Variants in CUX1 observed in about 807,000 individuals in gnomAD.
The protein encoded by CUX1 is cut like homeobox 1, also known as protein CASP.
Under a neutral mutation model 158.8 loss-of-function variants are expected in CUX1, and 31 were observed. The observed-to-expected ratio is 0.20, with a 90% CI of 0.15 to 0.26. The LOEUF (loss-of-function observed/expected upper bound fraction) is 0.26, where lower values mean the gene tolerates loss of function less well. CUX1 is among the 10% of genes least tolerant of loss of function. The pLI is 1.00. For synonymous variants in CUX1, 879 were observed against 862.1 expected (o/e 1.02, Z -0.34); for missense variants, 1,589 against 2,014.6 (o/e 0.79, Z 4.04).
At chr7:101,966,391 G>C (rs539187106) in intron 2 of CUX1, among the ~76,000 whole-genome samples, 1 of 150,612 alleles carries the variant, frequency 6.6e-6, no homozygotes, top group South Asian at 2.1e-4. Flanking sequence ...TCTGAGATTT[G>C]CAACAATTAA....
At chr7:102,263,147 G>A (rs1790534843), downstream of CUX1, among the ~76,000 whole-genome samples, 2 of 150,712 alleles carry the variant, frequency 1.3e-5, no homozygotes, top group Admixed American at 1.3e-4. Context: ...CCAAGTAGCT[G>A]GGATTACAGG....
intron 1 of CUX1, among the ~76,000 whole-genome samples, chr7:101,856,818 A>G (rs1278573817): frequency 1.3e-5 from 2 of 151,998 alleles, no homozygotes; most frequent in African/African-American, 4.8e-5. Flanking sequence ...CTTGTAGCCA[A>G]ATTCTGTGGT....
chr7:101,827,244 C>CTTCT (rs1554381496), intron 1 of CUX1, among the ~76,000 whole-genome samples: 1 of 129,676 alleles, frequency 7.7e-6, no homozygotes, highest in African/African-American at 3.0e-5. Flanking sequence ...CCCCTCCCCT[C>CTTCT]CTTCTCTTCT....
chr7:102,182,770 A>G (rs939290587), intron 11 of CUX1, among the ~76,000 whole-genome samples: 1 of 152,232 alleles, frequency 6.6e-6, no homozygotes, highest in Non-Finnish European at 1.5e-5. Context: ...ATGCTTTAAT[A>G]TAGAAGCAGT....
chr7:102,215,575 A>G (rs1393995764), intron 20 of CUX1, among the ~76,000 whole-genome samples: 1 of 152,214 alleles, frequency 6.6e-6, no homozygotes, highest in African/African-American at 2.4e-5. Flanking sequence ...CTTTCTCAAC[A>G]ATTTCATCAC....
intron 1 of CUX1, among the ~76,000 whole-genome samples, chr7:101,913,774 G>A (rs1051007493): frequency 2.0e-5 from 3 of 152,206 alleles, no homozygotes. Flanking sequence ...GCCAAAAGCA[G>A]TCATGTTCTT....
At chr7:101,977,286 C>G (rs911136000) in intron 2 of CUX1, among the ~76,000 whole-genome samples, 2 of 152,144 alleles carry the variant, frequency 1.3e-5, no homozygotes, top group African/African-American at 4.8e-5. Context: ...AACTTCCTTC[C>G]AGCCCTTACT....
chr7:102,181,974 G>A (rs770131926), intron 11 of CUX1, among the ~76,000 whole-genome samples: 3 of 152,218 alleles, frequency 2.0e-5, no homozygotes, highest in Admixed American at 6.5e-5. Context: ...CCCTGCCCCC[G>A]CAGTCTTGGC....
intron 12 of CUX1, among the ~76,000 whole-genome samples, chr7:102,190,216 G>A (rs1286937542): frequency 6.6e-6 from 1 of 152,228 alleles, no homozygotes; most frequent in Non-Finnish European, 1.5e-5. Flanking sequence ...AAGCACAGGA[G>A]GGAAATGTTT....
chr7:102,153,222 CCCAGGCCCCAT>C (rs1371793105), intron 8 of CUX1: 1 of 152,320 alleles, frequency 6.6e-6, no homozygotes, highest in African/African-American at 2.4e-5. Context: ...CCAAGCCCCA[CCCAGGCCCCAT>C]AAACCTGGCA....
In CUX1 at chr7:102,251,741, A is replaced by G. The variant is rs1175953328; in HGVS notation, c.*2699A>G. 4 of 985,280 alleles carry G rather than the reference A, an allele frequency of 4.1e-6. No individual in the cohort carries two copies. Among genetic ancestry groups the G allele is most frequent in the South Asian group, 4.7e-5 (1 of 21,286 alleles). 61.0% of individuals were successfully genotyped at this position (985,280 alleles called of 1,614,324 possible). ...ACAAAACCCTCAAGGGACTTTTGTC[A>G]TCATGTGTGATGAATCTTTAAATAT... On this transcript the variant is annotated 3_prime_UTR_variant, in exon 24 of 24. Transcript: ENST00000292535.
At chr7:101,969,302 T>A (rs1242633376) in intron 2 of CUX1, among the ~76,000 whole-genome samples, 2 of 137,538 alleles carry the variant, frequency 1.5e-5, no homozygotes, top group African/African-American at 2.8e-5. Flanking sequence ...GCCACTGCAC[T>A]CCATCCTGGG....
At chr7:102,267,740 C>G (rs1416130567) in intron 14 of CUX1, among the ~76,000 whole-genome samples, 2 of 152,160 alleles carry the variant, frequency 1.3e-5, no homozygotes, top group Non-Finnish European at 2.9e-5. Flanking sequence ...AATCGTAGCT[C>G]TCTGCAGCCT....
At chr7:102,235,617 G>T (rs1203696349) in intron 22 of CUX1, among the ~76,000 whole-genome samples, 6 of 151,096 alleles carry the variant, frequency 4.0e-5, no homozygotes, top group Non-Finnish European at 7.4e-5. Flanking sequence ...CAGGAGAATC[G>T]CTTGAACCTG....
chr7:102,260,876 C>T (rs1563511824), downstream of CUX1, among the ~76,000 whole-genome samples: 1 of 152,242 alleles, frequency 6.6e-6, no homozygotes, highest in Non-Finnish European at 1.5e-5. Flanking sequence ...TGGGGGCATG[C>T]TGCTCCTCTC....
intron 1 of CUX1, among the ~76,000 whole-genome samples, chr7:101,821,562 T>TA (rs1792524411): frequency 6.6e-6 from 1 of 151,164 alleles, no homozygotes; most frequent in South Asian, 2.1e-4. Flanking sequence ...ATGGTCTCGA[T>TA]CTCCTCACTT....
chr7:102,276,355 G>A (rs565381436), intron 17 of CUX1, among the ~76,000 whole-genome samples: 2 of 152,328 alleles, frequency 1.3e-5, no homozygotes, highest in South Asian at 4.1e-4. Context: ...AGGCTGGAGT[G>A]CAGTGGCACA....
At chr7:102,062,269 G>A (rs779335890) in intron 3 of CUX1, among the ~76,000 whole-genome samples, 3 of 152,120 alleles carry the variant, frequency 2.0e-5, no homozygotes, top group Non-Finnish European at 2.9e-5. Flanking sequence ...GATGTGTGAC[G>A]CCTCCTCCAG....
At chr7:102,024,430 G>A (rs1585316610) in intron 2 of CUX1, among the ~76,000 whole-genome samples, 2 of 152,114 alleles carry the variant, frequency 1.3e-5, no homozygotes, top group African/African-American at 2.4e-5. Context: ...CGGTTTAAGC[G>A]ATCCTCCCAC....
Sources: allele counts gnomAD v4.1 joint callset (sites outside exome capture counted in the v4.1 genomes callset), GRCh38; gene constraint gnomAD v4.1.1; transcripts MANE v1.5; gene names NCBI Gene and HGNC (gene_info 2026-07-23, HGNC 2026-07-21).